Variants in VAV2 observed in about 807,000 individuals in gnomAD.
VAV2 encodes the protein guanine nucleotide exchange factor VAV2.
VAV2 carries 67 observed loss-of-function variants against 132.5 expected under a neutral mutation model. That is an observed-to-expected ratio of 0.51 (90% CI 0.42 to 0.62). VAV2 has a LOEUF of 0.62. Ranked by LOEUF, VAV2 falls within the 20% of genes least tolerant of loss-of-function variation. The probability of loss-of-function intolerance (pLI) is 0.00; values close to 1 mark genes in which losing one functional copy is unlikely to be tolerated. For synonymous variants in VAV2, 492 were observed against 443.5 expected, an observed-to-expected ratio of 1.11 and a Z score of -1.37; for missense variants, 938 against 1,153.6, an observed-to-expected ratio of 0.81 and a Z score of 2.71.
At chr9:133,894,520 G>A (rs1237036179) in intron 2 of VAV2, among the ~76,000 whole-genome samples, 2 of 152,188 alleles carry the variant, frequency 1.3e-5, no homozygotes, top group Non-Finnish European at 2.9e-5. Context: ...AGCTCCCCGG[G>A]TGACCCTGCA....
chr9:133,772,190 C>A, intron 25 of VAV2, 144 bp from the exon 26 acceptor site: 1 of 697,202 alleles, frequency 1.4e-6, no homozygotes, highest in Non-Finnish European at 2.4e-6. Context: ...CCCTGTCCTA[C>A]CCCAGCCCTT....
chr9:133,873,730 G>C lies in VAV2; in HGVS notation c.322-12298C>G, dbSNP rs543264064. Among the ~76,000 whole-genome samples the C allele has an allele frequency of 1.8e-4, 27 of 152,276 alleles. No individual in the cohort carries two copies. The South Asian group carries it at 5.2e-3, about 29-fold the overall frequency. On this transcript the variant is annotated intron_variant, in intron 2 of 29. Transcript: ENST00000371850. ...ATCAGTCGGGGGTCAGGGGCTGTTGGGGGGAATTTCCCGTCCTTCATGGAA... is the reference window on the plus strand; with the variant it reads ...ATCAGTCGGGGGTCAGGGGCTGTTGCGGGGAATTTCCCGTCCTTCATGGAA...
At chr9:133,785,458 G>A (rs1222342679) in intron 17 of VAV2, among the ~76,000 whole-genome samples, 1 of 152,336 alleles carries the variant, frequency 6.6e-6, no homozygotes, top group East Asian at 1.9e-4. Context: ...ACTCCCAGCC[G>A]GTCACTGCTC....
intron 13 of VAV2, 67 bp from the exon 14 acceptor site, chr9:133,789,410 A>AG: frequency 6.6e-7 from 1 of 1,515,616 alleles, no homozygotes; most frequent in South Asian, 1.1e-5. Flanking sequence ...CCGCACGGGC[A>AG]GGGCAGACTG....
At chr9:133,917,805 C>T (rs1437479750) in intron 2 of VAV2, among the ~76,000 whole-genome samples, 3 of 152,220 alleles carry the variant, frequency 2.0e-5, no homozygotes, top group African/African-American at 2.4e-5. Flanking sequence ...AGAGAGAGAA[C>T]CCTGTGGACA....
chr9:133,842,773 C>T (rs1054418472), intron 3 of VAV2, among the ~76,000 whole-genome samples: 1 of 152,170 alleles, frequency 6.6e-6, no homozygotes. Flanking sequence ...AAGAGAACAG[C>T]GCGGGCAGAG....
chr9:133,984,976 T>C (rs1278749622), intron 1 of VAV2, among the ~76,000 whole-genome samples: 1 of 152,164 alleles, frequency 6.6e-6, no homozygotes, highest in African/African-American at 2.4e-5. Flanking sequence ...TTCTTTTTGC[T>C]TTTTTATTGC....
At position 133,935,810 on chromosome 9, in the gene VAV2, C is replaced by A. The variant is rs1353499090; in HGVS notation, c.321+3293G>T. ...GAGACAGGGCTGGCGGGGCCGAGGC[C>A]AGGCCCACGCTGAAGGGCAAGTGCG... On this transcript the variant is annotated intron_variant, in intron 2 of 29. Coordinates refer to ENST00000371850, the MANE Select transcript of VAV2 (RefSeq NM_001134398.2). The surrounding 1 kb of genome is among the most constrained non-coding windows in gnomAD (Gnocchi z 5.2). Among the ~76,000 whole-genome samples, 1 of 152,180 alleles carries A rather than the reference C, an allele frequency of 6.6e-6. No individual in the cohort carries two copies. Among genetic ancestry groups the A allele is most frequent in the African/African-American group, 2.4e-5 (1 of 41,454 alleles).
At chr9:133,851,724 AT>A (rs1297271726) in intron 3 of VAV2, among the ~76,000 whole-genome samples, 1 of 150,280 alleles carries the variant, frequency 6.7e-6, no homozygotes, top group African/African-American at 2.5e-5. Flanking sequence ...GGATGAATAG[AT>A]GGGTGAATGA....
chr9:133,933,419 T>C (rs1253156840), intron 2 of VAV2, among the ~76,000 whole-genome samples: 7 of 152,254 alleles, frequency 4.6e-5, no homozygotes, highest in African/African-American at 1.7e-4. Flanking sequence ...AATGAACTAA[T>C]GAATGGGTGG....
Position 133,762,703 on chromosome 9 carries a change from CCA to C in VAV2, c.*1357_*1358del, listed in dbSNP as rs1341366079. 2 of 152,562 alleles carry C rather than the reference CCA, an allele frequency of 1.3e-5. No homozygotes were observed. The highest frequency in any genetic ancestry group is 2.4e-5 in the African/African-American group (1 of 41,458). The allele number at this position is 152,562 out of a possible 1,614,324, so 9.5% of individuals were successfully genotyped here. ...ACTCCTCCCGCCTCTTCCCTACACC[CCA>C]GAGGCATACAGCCCAGAGGCCACAA... is the stretch of plus-strand genomic sequence containing the variant. On this transcript the variant is annotated 3_prime_UTR_variant, in exon 30 of 30. Transcript: ENST00000371850. The surrounding 1 kb of genome is among the most constrained non-coding windows in gnomAD (Gnocchi z 5.0).
At chr9:133,814,481 G>T (rs893798204) in intron 4 of VAV2, among the ~76,000 whole-genome samples, 1 of 152,262 alleles carries the variant, frequency 6.6e-6, no homozygotes, top group African/African-American at 2.4e-5. Context: ...CTTCCAGGCT[G>T]CTGAACGAGA....
intron 1 of VAV2, among the ~76,000 whole-genome samples, chr9:133,964,319 T>C (rs1459135426): frequency 6.6e-6 from 1 of 151,162 alleles, no homozygotes. Context: ...GATATATATA[T>C]ATATACACAT....
intron 9 of VAV2, among the ~76,000 whole-genome samples, chr9:133,798,344 C>T (rs1428532405): frequency 6.6e-6 from 1 of 152,124 alleles, no homozygotes; most frequent in African/African-American, 2.4e-5. Context: ...AGTGACAGCC[C>T]CGTCTTCAGG....
intron 1 of VAV2, among the ~76,000 whole-genome samples, chr9:133,970,013 C>A (rs114000369): frequency 4.6e-5 from 7 of 152,162 alleles, no homozygotes; most frequent in Non-Finnish European, 4.4e-5. Context: ...ACCCCCCAGA[C>A]GTGCAGGGTG....
At position 133,763,656 on chromosome 9, in the gene VAV2, G is replaced by T. The variant is rs2131552293; in HGVS notation, c.*406C>A. On this transcript the variant is annotated 3_prime_UTR_variant, in exon 30 of 30. Transcript: ENST00000371850. This position sits in a 1 kb window ranked among gnomAD's most constrained non-coding sequence, Gnocchi z 6.8. ...GGGCTGAGCAGAGGGTGTGGGGGCA[G>T]GTCCCCTCCGATGTCCCTAGCCCTT... 2 of 212,910 alleles carry T rather than the reference G, an allele frequency of 9.4e-6. No individual in the cohort carries two copies. Among genetic ancestry groups the T allele is most frequent in the South Asian group, 1.6e-4 (2 of 12,692 alleles). The allele number at this position is 212,910 out of a possible 1,614,324, so 13.2% of individuals were successfully genotyped here.
chr9:133,806,272 T>C, intron 8 of VAV2, 91 bp from the exon 9 acceptor site: 1 of 1,280,560 alleles, frequency 7.8e-7, no homozygotes, highest in Non-Finnish European at 1.1e-6. Context: ...TGTTCTGTAG[T>C]TCCCTCAAGG....
chr9:133,890,529 A>C, intron 2 of VAV2, among the ~76,000 whole-genome samples: 2 of 150,536 alleles, frequency 1.3e-5, no homozygotes, highest in Admixed American at 6.6e-5. Context: ...GCCCCCCACC[A>C]CCCCCTAGAG....
chr9:133,870,663 A>G (rs1837989446), intron 2 of VAV2, among the ~76,000 whole-genome samples: 1 of 152,054 alleles, frequency 6.6e-6, no homozygotes, highest in South Asian at 2.1e-4. Context: ...CTTGTCTATG[A>G]CATAGATGGA....
Sources: allele counts gnomAD v4.1 joint callset (sites outside exome capture counted in the v4.1 genomes callset), GRCh38; gene constraint gnomAD v4.1.1; non-coding constraint Gnocchi (gnomAD v3.1); transcripts MANE v1.5; gene names NCBI Gene and HGNC (gene_info 2026-07-23, HGNC 2026-07-21).